The following KRT82 variants were observed in gnomAD, a reference collection of about 807,000 sequenced individuals.
KRT82 encodes the protein keratin, type II cuticular Hb2.
In KRT82, 44 loss-of-function variants were observed where a neutral mutation model predicts 48.0. The observed-to-expected ratio is 0.92, with a 90% CI of 0.72 to 1.18. KRT82 has a LOEUF of 1.18. KRT82 is among the 50% of genes most tolerant of loss of function. The pLI, the probability that KRT82 is intolerant of heterozygous loss-of-function variation, is 0.00. For synonymous variants in KRT82, 297 were observed against 278.3 expected (o/e 1.07, Z -0.67); for missense variants, 701 against 671.4 (o/e 1.04, Z -0.49).
intron 1 of KRT82, among the ~76,000 whole-genome samples, chr12:52,404,598 T>C (rs1939828496): frequency 6.6e-6 from 1 of 152,180 alleles, no homozygotes; most frequent in Non-Finnish European, 1.5e-5. Flanking sequence ...CAGCCCTTGC[T>C]CTGGAATTTT....
chr12:52,400,211 GGAGAACCC>G, intron 4 of KRT82, 62 bp from the exon 5 acceptor site: 1 of 1,530,590 alleles, frequency 6.5e-7, no homozygotes, highest in Non-Finnish European at 8.9e-7. Flanking sequence ...CAGGAGAAGG[GGAGAACCC>G]GTTCTGACCT....
rs188551274 is a variant in KRT82 at position 52,396,298 on chromosome 12, G to A, written c.1069-66C>T. On this transcript the variant is annotated intron_variant, in intron 6 of 8. Coordinates refer to ENST00000257974, the MANE Select transcript of KRT82 (RefSeq NM_033033.4). ...AGCCCCAAGCCAGACTCGCAGAAGA[G>A]CAGAGAGAACACGGGGGTGGCTACG... The A allele has an allele frequency of 6.3e-5, 92 of 1,471,202 alleles. No homozygotes were observed. In the Admixed American group the frequency reaches 1.0e-3, roughly 16 times the overall value. 91.1% of individuals were successfully genotyped at this position (1,471,202 alleles called of 1,614,324 possible).
rs1939686038 is a variant in KRT82 at position 52,394,719 on chromosome 12, A to ATGCTCTTTCTCTGCCGTCTGTGCAT, written c.*255_*256insATGCACAGACGGCAGAGAAAGAGCA. On this transcript the variant is annotated 3_prime_UTR_variant, in exon 9 of 9. Coordinates refer to ENST00000257974, the MANE Select transcript of KRT82 (RefSeq NM_033033.4). Reference sequence around the variant, plus strand: ...GCCATTCTGCGGTTAAGAGCAATGCATGCTCTTTCTCTGCCGTCTGTCCCC... The same window carrying ATGCTCTTTCTCTGCCGTCTGTGCAT: ...GCCATTCTGCGGTTAAGAGCAATGCATGCTCTTTCTCTGCCGTCTGTGCATTGCTCTTTCTCTGCCGTCTGTCCCC... 3.2e-5 allele frequency: 18 copies of ATGCTCTTTCTCTGCCGTCTGTGCAT among 566,332 alleles called. No individual in the cohort carries two copies. In the South Asian group the frequency reaches 3.7e-4, roughly 12 times the overall value. 35.1% of individuals were successfully genotyped at this position (566,332 alleles called of 1,614,324 possible). A position where few individuals can be genotyped will look rare whatever the true frequency, so the allele number is the denominator to read the frequency against.
At position 52,400,658 on chromosome 12, in the gene KRT82, G is replaced by C. The variant is rs1326141750; in HGVS notation, c.682-36C>G. 5 of 1,496,974 alleles carry C rather than the reference G, an allele frequency of 3.3e-6. No homozygotes were observed. In the South Asian group the frequency reaches 5.6e-5, roughly 17 times the overall value. 92.7% of individuals were successfully genotyped at this position (1,496,974 alleles called of 1,614,324 possible). ...GCAGGGACAGAATGTGACCTGGCTGGGCCACCTCCCAGGCAAGCTGGTGGC... is the reference window on the plus strand; with the variant it reads ...GCAGGGACAGAATGTGACCTGGCTGCGCCACCTCCCAGGCAAGCTGGTGGC... On this transcript the variant is annotated intron_variant, in intron 3 of 8. Coordinates refer to ENST00000257974, the MANE Select transcript of KRT82 (RefSeq NM_033033.4).
rs561765581 is a variant in KRT82 at position 52,395,775 on chromosome 12, G to A, written c.1305C>T (p.Ile435=). The A allele has an allele frequency of 1.4e-4, 217 of 1,553,296 alleles. No individual in the cohort carries two copies. Among genetic ancestry groups the A allele is most frequent in the Non-Finnish European group, 1.8e-4 (205 of 1,153,862 alleles). Residue 435 remains isoleucine, a synonymous_variant, in exon 8 of 9, where the codon ATC becomes ATT. Coordinates refer to ENST00000257974, the MANE Select transcript of KRT82 (RefSeq NM_033033.4). Reference sequence around the variant, plus strand: ...TCTACTTACAGATATTCACGGGCCCGATGCCTTCGCACAGCCTGGGGATGA... The same window carrying A: ...TCTACTTACAGATATTCACGGGCCCAATGCCTTCGCACAGCCTGGGGATGA... ...EGEEHRLCEG[I]GPVNISVSSS... is the part of the protein sequence containing the mutation.
rs1939675895 is a variant in KRT82 at position 52,394,299 on chromosome 12, C to T, written c.*676G>A. On this transcript the variant is annotated 3_prime_UTR_variant, in exon 9 of 9. Transcript: ENST00000257974. ...ATATCCCTTTGCCCTTTGTTCTAGGCATTGGCCTGACATCACCTGCCAATG... is the reference window on the plus strand; with the variant it reads ...ATATCCCTTTGCCCTTTGTTCTAGGTATTGGCCTGACATCACCTGCCAATG... 6.5e-6 allele frequency: 1 copy of T among 152,814 alleles called. No homozygotes were observed. Among genetic ancestry groups the T allele is most frequent in the South Asian group, 2.1e-4 (1 of 4,838 alleles). The allele number at this position is 152,814 out of a possible 1,614,324, so 9.5% of individuals were successfully genotyped here. A position where few individuals can be genotyped will look rare whatever the true frequency, so the allele number is the denominator to read the frequency against.
In KRT82 at chr12:52,397,321, C is replaced by T. The variant is rs78803142; in HGVS notation, c.943-313G>A. Among the ~76,000 whole-genome samples, 873 of 152,296 alleles carry T rather than the reference C, an allele frequency of 5.7e-3. 3 individuals are homozygous for T. Among genetic ancestry groups the T allele is most frequent in the African/African-American group, 0.011 (439 of 41,566 alleles). On this transcript the variant is annotated intron_variant, in intron 5 of 8. Transcript: ENST00000257974. The stretch of plus-strand genomic sequence containing the variant: ...TCTCTGTCCCAGAGCCCAAGTTCAC[C>T]TGAGGGCTCCCTCCCTTTTAGATAT...
intron 2 of KRT82, 48 bp downstream of exon 2, chr12:52,403,653 G>A (rs774513749): frequency 8.4e-7 from 1 of 1,186,958 alleles, no homozygotes. Context: ...GACTGTTTCT[G>A]TCCCTTGCCC....
At position 52,395,742 on chromosome 12, in the gene KRT82, A is replaced by G; in HGVS notation, c.1321+17T>C. 1 of 1,556,646 alleles carries G rather than the reference A, an allele frequency of 6.4e-7. No homozygotes were observed. Among genetic ancestry groups the G allele is most frequent in the Non-Finnish European group, 8.7e-7 (1 of 1,154,654 alleles). ...CCCAAGACTCCAGAGCCAGTGGGGC[A>G]TGGCTCATCTACTTACAGATATTCA... On this transcript the variant is annotated intron_variant, in intron 8 of 8. Transcript: ENST00000257974.
At chr12:52,405,846 C>T (rs1238072039) in intron 1 of KRT82, 21 bp downstream of exon 1, 4 of 1,593,830 alleles carry the variant, frequency 2.5e-6, no homozygotes, top group African/African-American at 2.7e-5. Context: ...CTCTCACGGC[C>T]CTGGGCCACT....
At chr12:52,399,043 C>T (rs777896067) in intron 5 of KRT82, among the ~76,000 whole-genome samples, 1 of 152,232 alleles carries the variant, frequency 6.6e-6, no homozygotes, top group South Asian at 2.1e-4. Context: ...TTTGTTCCCT[C>T]TGTCATCAAA....
At chr12:52,402,385 T>A (rs1465362958) in intron 2 of KRT82, 1 of 152,446 alleles carries the variant, frequency 6.6e-6, no homozygotes, top group African/African-American at 2.4e-5. Context: ...AGAAAGGCAT[T>A]GCTTCTGCTG....
At chr12:52,404,030 T>A (rs1449585871) in intron 1 of KRT82, 121 bp from the exon 2 acceptor site, 1 of 968,340 alleles carries the variant, frequency 1.0e-6, no homozygotes, top group African/African-American at 1.6e-5. Context: ...CACTAGAATT[T>A]GCAAAAATCA....
At position 52,400,008 on chromosome 12, in the gene KRT82, C is replaced by T. The variant is rs758962024; in HGVS notation, c.919G>A (p.Ala307Thr). The change falls in exon 5 of 9, where the codon GCA (alanine) becomes ACA (threonine). Residue 307 changes from alanine (A) to threonine (T), a missense_variant. Coordinates refer to ENST00000257974, the MANE Select transcript of KRT82 (RefSeq NM_033033.4). Reference sequence around the variant, plus strand: ...ACCCGGCACTGGTACCAGGCCTCTGCTTCGGCTTTGCTGCGGCTGGCGATG... The same window carrying T: ...ACCCGGCACTGGTACCAGGCCTCTGTTTCGGCTTTGCTGCGGCTGGCGATG... ...DDIASRSKAE[A>T]EAWYQCRYEE... is the part of the protein sequence containing the mutation. 2.5e-6 allele frequency: 4 copies of T among 1,614,086 alleles called. No homozygotes were observed. The African/African-American group carries it at 5.3e-5, about 22-fold the overall frequency.
chr12:52,401,663 C>T (rs1172017479), intron 2 of KRT82, among the ~76,000 whole-genome samples: 1 of 152,194 alleles, frequency 6.6e-6, no homozygotes, highest in African/African-American at 2.4e-5. Flanking sequence ...AGTGGCCTCC[C>T]TTGGGAACGT....
At chr12:52,402,799 GC>G (rs1484110204) in intron 2 of KRT82, among the ~76,000 whole-genome samples, 1 of 152,198 alleles carries the variant, frequency 6.6e-6, no homozygotes, top group Non-Finnish European at 1.5e-5. Context: ...CCCCAACACG[GC>G]TCCACTTCAC....
chr12:52,399,988 G>A lies in KRT82; in HGVS notation c.939C>T (p.Cys313=). ...SKAEAEAWYQ[C]RYEELRVTAG... is the part of the protein sequence containing the mutation. ...GCCCCCAACCACAGGGCCTCACCCG[G>A]CACTGGTACCAGGCCTCTGCTTCGG... Residue 313 remains cysteine (C), a synonymous_variant, in exon 5 of 9, where the codon TGC becomes TGT. Coordinates refer to ENST00000257974, the MANE Select transcript of KRT82 (RefSeq NM_033033.4). 3 of 1,613,402 alleles carry A rather than the reference G, an allele frequency of 1.9e-6. No homozygotes were observed. Among genetic ancestry groups the A allele is most frequent in the South Asian group, 1.1e-5 (1 of 91,044 alleles).
chr12:52,394,940 G>C lies in KRT82; in HGVS notation c.*35C>G. 6.4e-7 allele frequency: 1 copy of C among 1,565,860 alleles called. No individual in the cohort carries two copies. Among genetic ancestry groups the C allele is most frequent in the East Asian group, 2.2e-5 (1 of 44,612 alleles). ...GGAGTGTGACATCCAGGGCCATGGG[G>C]CAGGGGCTCTGTCTCCTGGATGTCT... is the stretch of plus-strand genomic sequence containing the variant. On this transcript the variant is annotated 3_prime_UTR_variant, in exon 9 of 9. Coordinates refer to ENST00000257974, the MANE Select transcript of KRT82 (RefSeq NM_033033.4).
rs751874846 is a variant in KRT82, at chr12:52,403,835, C to G, written c.486G>C (p.Gln162His). ...CCTCGAAGATGGGCTCGATGTTGGT[C>G]TGGCAGCACCTCTGCTGCTGCATGA... is the stretch of plus-strand genomic sequence containing the variant. Reference protein sequence around the residue: ...WNFMQQQRCCQTNIEPIFEGY... With the variant: ...WNFMQQQRCCHTNIEPIFEGY... Residue 162 changes from glutamine (Q) to histidine (H), a missense_variant, in exon 2 of 9, where the codon CAG (glutamine) becomes CAC (histidine). Transcript: ENST00000257974. 6.2e-7 allele frequency: 1 copy of G among 1,613,956 alleles called. No individual in the cohort carries two copies. Among genetic ancestry groups the G allele is most frequent in the Admixed American group, 1.7e-5 (1 of 60,028 alleles).
Sources: allele counts gnomAD v4.1 joint callset (sites outside exome capture counted in the v4.1 genomes callset), GRCh38; gene constraint gnomAD v4.1.1; transcripts MANE v1.5; gene names NCBI Gene and HGNC (gene_info 2026-07-23, HGNC 2026-07-21).